CNTNAP5: variants seen among roughly 807,000 people sequenced by gnomAD.
CNTNAP5 encodes the protein contactin associated protein family member 5, also known as contactin-associated protein-like 5.
A neutral mutation model predicts 150.2 loss-of-function variants in CNTNAP5; 72 were observed. The observed-to-expected ratio is 0.48, with a 90% CI of 0.40 to 0.58. The LOEUF (loss-of-function observed/expected upper bound fraction) is 0.58, where lower values mean the gene tolerates loss of function less well. Among genes scored for constraint, CNTNAP5 ranks in the 20% least tolerant of loss-of-function variants. The pLI is 0.00. For missense variants in CNTNAP5, 1,636 were observed against 1,626.2 expected (o/e 1.01, Z -0.10); for synonymous variants, 672 against 619.8 (o/e 1.08, Z -1.25).
intron 21 of CNTNAP5, among the ~76,000 whole-genome samples, chr2:124,901,831 G>A (rs1451669536): frequency 6.6e-6 from 1 of 151,996 alleles, no homozygotes; most frequent in Non-Finnish European, 1.5e-5. Context: ...CTTAGAAAAG[G>A]CATTATTAAA....
chr2:124,717,166 A>G (rs1205246062), intron 13 of CNTNAP5, among the ~76,000 whole-genome samples: 1 of 152,144 alleles, frequency 6.6e-6, no homozygotes, highest in African/African-American at 2.4e-5. Context: ...AAATTGTTAG[A>G]ATTGAATTTG....
At chr2:124,891,803 A>C (rs182271342) in intron 21 of CNTNAP5, among the ~76,000 whole-genome samples, 85 of 152,272 alleles carry the variant, frequency 5.6e-4, no homozygotes, top group African/African-American at 1.9e-3. Context: ...TTTTTGAGGA[A>C]GTAATATTCC....
At chr2:124,152,917 T>A (rs1402917922) in intron 1 of CNTNAP5, among the ~76,000 whole-genome samples, 1 of 152,184 alleles carries the variant, frequency 6.6e-6, no homozygotes, top group Non-Finnish European at 1.5e-5. Context: ...CATTCATCAA[T>A]GTTGGTTTCT....
intron 1 of CNTNAP5, among the ~76,000 whole-genome samples, chr2:124,130,647 C>T (rs756928387): frequency 6.6e-6 from 1 of 152,140 alleles, no homozygotes; most frequent in Admixed American, 6.5e-5. Flanking sequence ...TCACTGGTGG[C>T]GACAGCATCC....
At chr2:124,852,354 G>GATCT (rs1291339728) in intron 19 of CNTNAP5, among the ~76,000 whole-genome samples, 1 of 152,144 alleles carries the variant, frequency 6.6e-6, no homozygotes, top group Non-Finnish European at 1.5e-5. Context: ...TCCTGGCACA[G>GATCT]ATCTGTATCA....
intron 6 of CNTNAP5, among the ~76,000 whole-genome samples, chr2:124,451,193 G>T (rs913238623): frequency 6.8e-6 from 1 of 147,654 alleles, no homozygotes; most frequent in Admixed American, 6.8e-5. Context: ...TACTGAAAAG[G>T]CATTTTACAA....
chr2:124,473,553 A>G (rs1176345406), intron 6 of CNTNAP5, among the ~76,000 whole-genome samples: 3 of 152,078 alleles, frequency 2.0e-5, no homozygotes, highest in Admixed American at 2.0e-4. Flanking sequence ...CCTTAAGTGT[A>G]TCAGTAGTTA....
chr2:124,468,016 T>G (rs950597260), intron 6 of CNTNAP5, among the ~76,000 whole-genome samples: 2 of 152,136 alleles, frequency 1.3e-5, no homozygotes, highest in Admixed American at 1.3e-4. Context: ...AATGGGGTGG[T>G]TTGTGTATCG....
intron 5 of CNTNAP5, among the ~76,000 whole-genome samples, chr2:124,442,312 T>C (rs569233245): frequency 6.6e-6 from 1 of 152,262 alleles, no homozygotes; most frequent in South Asian, 2.1e-4. Context: ...ACAACCGACA[T>C]AACCTACTAC....
chr2:124,779,193 A>G (rs367829998), intron 17 of CNTNAP5, among the ~76,000 whole-genome samples: 35 of 152,350 alleles, frequency 2.3e-4, no homozygotes, highest in East Asian at 1.2e-3. Context: ...GACCAAGGTC[A>G]TGTCCTTTCC....
intron 13 of CNTNAP5, among the ~76,000 whole-genome samples, chr2:124,721,500 A>AATAAATAAATAAATAAATAAATAAATAC (rs1553435284): frequency 7.4e-4 from 109 of 148,168 alleles, no homozygotes; most frequent in African/African-American, 2.7e-3. Context: ...TAAATAAATA[A>AATAAATAAATAAATAAATAAATAAATAC]ATAAATAAAT....
At chr2:124,071,366 A>G (rs1289047783) in intron 1 of CNTNAP5, among the ~76,000 whole-genome samples, 1 of 151,936 alleles carries the variant, frequency 6.6e-6, no homozygotes, top group Non-Finnish European at 1.5e-5. Flanking sequence ...GCACAAATAA[A>G]TAAAATTAAA....
At chr2:124,599,929 C>T (rs547138597) in intron 11 of CNTNAP5, among the ~76,000 whole-genome samples, 11 of 151,894 alleles carry the variant, frequency 7.2e-5, no homozygotes, top group Admixed American at 2.6e-4. Flanking sequence ...AAGTTTAAGA[C>T]GCTGAATAAC....
chr2:124,033,970 G>A (rs1039130935), intron 1 of CNTNAP5, among the ~76,000 whole-genome samples: 1 of 152,156 alleles, frequency 6.6e-6, no homozygotes, highest in African/African-American at 2.4e-5. Flanking sequence ...GAAAAGGGAG[G>A]ATAATGTTTT....
intron 13 of CNTNAP5, among the ~76,000 whole-genome samples, chr2:124,673,842 CATTTTT>C (rs1678872308): frequency 6.6e-6 from 1 of 150,966 alleles, no homozygotes; most frequent in South Asian, 2.1e-4. Flanking sequence ...ATAAGGTACT[CATTTTT>C]AAGTTTTATT....
chr2:124,110,662 A>G (rs970601470), intron 1 of CNTNAP5, among the ~76,000 whole-genome samples: 1 of 152,118 alleles, frequency 6.6e-6, no homozygotes, highest in Non-Finnish European at 1.5e-5. Context: ...TGGTATCCTC[A>G]TTTTATAGAC....
chr2:124,123,998 C>A (rs1303262125), intron 1 of CNTNAP5, among the ~76,000 whole-genome samples: 2 of 152,160 alleles, frequency 1.3e-5, no homozygotes, highest in Non-Finnish European at 2.9e-5. Context: ...CAGAGCACCT[C>A]TCCTCCTCCA....
intron 1 of CNTNAP5, among the ~76,000 whole-genome samples, chr2:124,100,880 A>G (rs1183710073): frequency 6.6e-6 from 1 of 151,948 alleles, no homozygotes; most frequent in African/African-American, 2.4e-5. Flanking sequence ...AAAAAAAAAA[A>G]AAAAAGAATA....
At chr2:124,341,769 G>A (rs2104692538) in intron 3 of CNTNAP5, among the ~76,000 whole-genome samples, 2 of 152,316 alleles carry the variant, frequency 1.3e-5, no homozygotes, top group Middle Eastern at 6.8e-3. Context: ...AGCAGAAGCA[G>A]TCAGTAGAGA....
Sources: gnomAD v4.1 joint callset for allele counts (sites outside exome capture counted in the v4.1 genomes callset) on GRCh38, gnomAD v4.1.1 for gene constraint, MANE v1.5 for transcripts, NCBI Gene and HGNC (gene_info 2026-07-23, HGNC 2026-07-21) for gene names.